AP2A2: variants seen among roughly 807,000 people sequenced by gnomAD.
AP2A2 encodes AP-2 complex subunit alpha-2.
A neutral mutation model predicts 104.2 loss-of-function variants in AP2A2; 32 were observed. The ratio of observed to expected loss-of-function variants is 0.31; its 90% CI spans 0.23 to 0.41. AP2A2 has a LOEUF of 0.41. AP2A2 is among the 10% of genes least tolerant of loss of function. The pLI is 1.00. For missense variants in AP2A2, 912 were observed against 1,261.0 expected, an observed-to-expected ratio of 0.72 and a Z score of 4.19; for synonymous variants, 539 against 533.3, an observed-to-expected ratio of 1.01 and a Z score of -0.15.
intron 9 of AP2A2, among the ~76,000 whole-genome samples, chr11:987,337 C>G (rs908352642): frequency 6.6e-6 from 1 of 152,158 alleles, no homozygotes; most frequent in African/African-American, 2.4e-5. Context: ...AGGAAACTCA[C>G]TTTGTTCGGG....
At chr11:1,008,283 C>T in intron 18 of AP2A2, 148 bp downstream of exon 18, 1 of 1,202,536 alleles carries the variant, frequency 8.3e-7, no homozygotes, top group Non-Finnish European at 1.1e-6. Context: ...TGAGCTATTG[C>T]TGCCCCCGGC....
At chr11:952,216 G>A (rs1296843801) in intron 1 of AP2A2, among the ~76,000 whole-genome samples, 1 of 152,160 alleles carries the variant, frequency 6.6e-6, no homozygotes, top group Non-Finnish European at 1.5e-5. Flanking sequence ...AAGTTTTGCT[G>A]CACATTGCAA....
rs376411331 is a variant in AP2A2 at position 1,011,284 on chromosome 11, C to T, written c.*659C>T. 14 of 518,782 alleles carry T rather than the reference C, an allele frequency of 2.7e-5. 1 individual carries two copies. The highest frequency in any genetic ancestry group is 3.2e-4 in the Middle Eastern group (1 of 3,166). The allele number at this position is 518,782 out of a possible 1,614,324, so 32.1% of individuals were successfully genotyped here. Reference sequence around the variant, plus strand: ...GCGTCTGTTATGCTCCTGCAGTCGCCGAGGCCTTGGATGTGCAGCCAGGGG... The same window carrying T: ...GCGTCTGTTATGCTCCTGCAGTCGCTGAGGCCTTGGATGTGCAGCCAGGGG... On this transcript the variant is annotated 3_prime_UTR_variant, in exon 22 of 22. Transcript: ENST00000448903.
intron 1 of AP2A2, among the ~76,000 whole-genome samples, chr11:944,782 C>T (rs1564785589): frequency 6.7e-6 from 1 of 150,086 alleles, no homozygotes; most frequent in Non-Finnish European, 1.5e-5. Context: ...AGTGCAGAGG[C>T]CTTTGTCGGG....
chr11:979,614 T>A (rs918618295), intron 5 of AP2A2, among the ~76,000 whole-genome samples: 12 of 152,114 alleles, frequency 7.9e-5, no homozygotes, highest in African/African-American at 2.9e-4. Flanking sequence ...CAGGCTGGAG[T>A]GCAGTGGCGC....
rs1248017492 is a variant in AP2A2, at chr11:985,446, C to A, written c.826C>A (p.Arg276=). ...GTCTTGCCCAGAAGACCCTGCAGTG[C>A]GAGGCCGCCTGACTGAGTGCCTGGA... ...QCYPPPDPAV[R]GRLTECLETI... is the part of the protein sequence containing the mutation. The change falls in exon 8 of 22, where the codon CGA becomes AGA. Residue 276 remains arginine (R), a synonymous_variant. Transcript: ENST00000448903. The A allele has an allele frequency of 3.7e-6, 6 of 1,613,682 alleles. No individual in the cohort carries two copies. The South Asian group carries it at 5.5e-5, about 15-fold the overall frequency.
intron 6 of AP2A2, 60 bp from the exon 7 acceptor site, chr11:984,585 G>C (rs1270717793): frequency 1.4e-6 from 2 of 1,394,714 alleles, no homozygotes; most frequent in African/African-American, 2.8e-5. Context: ...CTTTTCTTTG[G>C]GTCCCCGCAG....
intron 1 of AP2A2, among the ~76,000 whole-genome samples, chr11:929,163 A>G (rs1357789634): frequency 6.6e-6 from 1 of 152,244 alleles, no homozygotes; most frequent in Non-Finnish European, 1.5e-5. Flanking sequence ...TTGGAGAGCC[A>G]GCCAGGGTTT....
chr11:974,412 C>G (rs1854944641), intron 4 of AP2A2, among the ~76,000 whole-genome samples: 1 of 152,212 alleles, frequency 6.6e-6, no homozygotes, highest in Non-Finnish European at 1.5e-5. Context: ...AGGCTGGGCA[C>G]AGTGGCTCAC....
At chr11:970,423 C>A in intron 3 of AP2A2, 112 bp downstream of exon 3, 1 of 1,375,562 alleles carries the variant, frequency 7.3e-7, no homozygotes, top group Non-Finnish European at 9.9e-7. Flanking sequence ...CTGACGTGAG[C>A]CACGTGGGTC....
At chr11:930,734 A>T (rs952536764) in intron 1 of AP2A2, among the ~76,000 whole-genome samples, 1 of 152,168 alleles carries the variant, frequency 6.6e-6, no homozygotes, top group South Asian at 2.1e-4. Flanking sequence ...GTTAGCCAGG[A>T]TGGTCTCGGT....
rs568982711 is a variant in AP2A2 at position 973,097 on chromosome 11, G to A, written c.473+842G>A. 2.6e-5 allele frequency among the ~76,000 whole-genome samples: 4 copies of A among 152,342 alleles called. No individual in the cohort carries two copies. The East Asian group carries it at 5.8e-4, about 22-fold the overall frequency. On this transcript the variant is annotated intron_variant, in intron 4 of 21. Coordinates refer to ENST00000448903, the MANE Select transcript of AP2A2 (RefSeq NM_012305.4). ...TGGGAAACTGACCCCTCGCCCACAC[G>A]GTGCCACCCGGCTGAGCTAGGCCTC...
In AP2A2 at chr11:1,010,712, C is replaced by T. The variant is rs949710836; in HGVS notation, c.*87C>T. The T allele has an allele frequency of 9.8e-6, 11 of 1,116,932 alleles. No homozygotes were observed. In the South Asian group the frequency reaches 1.2e-4, roughly 12 times the overall value. The allele number at this position is 1,116,932 out of a possible 1,614,324, so 69.2% of individuals were successfully genotyped here. A position where few individuals can be genotyped will look rare whatever the true frequency, so the allele number is the denominator to read the frequency against. On this transcript the variant is annotated 3_prime_UTR_variant, in exon 22 of 22. Coordinates refer to ENST00000448903, the MANE Select transcript of AP2A2 (RefSeq NM_012305.4). ...TCGTGGCCATCCTGCAGATGAGCAC[C>T]GTGTCCAGTGCCACAGCACAAGGCG...
intron 6 of AP2A2, among the ~76,000 whole-genome samples, chr11:982,652 CTTT>C (rs879756517): frequency 1.4e-5 from 2 of 140,460 alleles, no homozygotes; most frequent in Admixed American, 7.2e-5. Flanking sequence ...TTGTGGGAAA[CTTT>C]TTTTTTTTTT....
intron 5 of AP2A2, among the ~76,000 whole-genome samples, chr11:979,066 G>A (rs1855151374): frequency 6.6e-6 from 1 of 152,034 alleles, no homozygotes; most frequent in Admixed American, 6.6e-5. Flanking sequence ...GGCCACTGAG[G>A]AGACACGGAG....
intron 13 of AP2A2, 21 bp downstream of exon 13, chr11:994,006 G>C: frequency 1.2e-6 from 2 of 1,609,098 alleles, no homozygotes; most frequent in Non-Finnish European, 1.7e-6. Context: ...CCCGCCCTTC[G>C]GGCTGGCTTG....
At chr11:941,006 C>T in intron 1 of AP2A2, 1 of 440,158 alleles carries the variant, frequency 2.3e-6, no homozygotes, top group Admixed American at 2.5e-5. Flanking sequence ...CCTTGCTCCA[C>T]ACTCCGTGGA....
intron 1 of AP2A2, chr11:957,001 G>C (rs1324739894): frequency 6.6e-6 from 1 of 152,212 alleles, no homozygotes; most frequent in Non-Finnish European, 1.5e-5. Flanking sequence ...AGATCCTGCA[G>C]GGGAGTCCCA....
intron 17 of AP2A2, 110 bp from the exon 18 acceptor site, chr11:1,007,902 T>C: frequency 1.3e-6 from 2 of 1,489,808 alleles, no homozygotes; most frequent in Non-Finnish European, 1.8e-6. Context: ...CTGGTGGTCC[T>C]AGAGTGTGGT....
Sources: allele counts gnomAD v4.1 joint callset (sites outside exome capture counted in the v4.1 genomes callset), GRCh38; gene constraint gnomAD v4.1.1; transcripts MANE v1.5; gene names NCBI Gene and HGNC (gene_info 2026-07-23, HGNC 2026-07-21).